HAVCR1: variants seen among roughly 807,000 people sequenced by gnomAD.
The protein encoded by HAVCR1 is hepatitis A virus cellular receptor 1.
A neutral mutation model predicts 32.0 loss-of-function variants in HAVCR1; 34 were observed. The ratio of observed to expected loss-of-function variants is 1.06; its 90% confidence interval spans 0.81 to 1.42. The LOEUF (loss-of-function observed/expected upper bound fraction) is 1.42, where lower values mean the gene tolerates loss of function less well. Ranked by LOEUF, HAVCR1 falls within the 40% of genes most tolerant of loss-of-function variation. HAVCR1 has a pLI of 0.00. For synonymous variants in HAVCR1, 178 were observed against 170.3 expected, an observed-to-expected ratio of 1.05 and a Z score of -0.35; for missense variants, 420 against 442.3, an observed-to-expected ratio of 0.95 and a Z score of 0.45.
intron 3 of HAVCR1, among the ~76,000 whole-genome samples, chr5:157,054,679 A>C (rs1308715320): frequency 2.0e-5 from 3 of 152,214 alleles, no homozygotes; most frequent in Non-Finnish European, 2.9e-5. Flanking sequence ...TGTAGATATA[A>C]CCAAGACTTT....
upstream of HAVCR1, among the ~76,000 whole-genome samples, chr5:157,060,196 C>T (rs950605403): frequency 1.3e-5 from 2 of 151,742 alleles, no homozygotes; most frequent in African/African-American, 2.4e-5. Flanking sequence ...CCACTTATAA[C>T]CCTCTCATAA....
chr5:157,059,517 A>C (rs1210287423), upstream of HAVCR1, among the ~76,000 whole-genome samples: 1 of 152,098 alleles, frequency 6.6e-6, no homozygotes, highest in East Asian at 1.9e-4. Flanking sequence ...TCTACTAAAA[A>C]TACAAAAATT....
chr5:157,039,588 A>T (rs142145323), intron 6 of HAVCR1, among the ~76,000 whole-genome samples: 4,151 of 152,242 alleles, frequency 0.027, 184 homozygotes, highest in African/African-American at 0.087. Flanking sequence ...ACCTCAGGTG[A>T]TCCACCTGCC....
Position 157,044,635 on chromosome 5 carries a change from A to AAGAAAG in HAVCR1, c.782-1959_782-1954dup, listed in dbSNP as rs769108979. On this transcript the variant is annotated intron_variant, in intron 5 of 8. Coordinates refer to ENST00000523175, the MANE Select transcript of HAVCR1 (RefSeq NM_001173393.3). ...AGAAAGAGAAAGAAAGAAAGAAAGA[A>AAGAAAG]AGAAAGAAAGAAAGAAAGAAAGAAA... Among the ~76,000 whole-genome samples the AAGAAAG allele has an allele frequency of 1.1e-3, 69 of 64,776 alleles. No homozygotes were observed. In the East Asian group the frequency reaches 0.015, roughly 14 times the overall value. 42.5% of individuals were successfully genotyped at this position (64,776 alleles called of 152,430 possible).
the HAVCR1 span, among the ~76,000 whole-genome samples, chr5:157,066,852 T>C: frequency 6.6e-6 from 1 of 152,176 alleles, no homozygotes; most frequent in Non-Finnish European, 1.5e-5. Flanking sequence ...TTTGGGAGGC[T>C]GAGGCAGGCG....
Position 157,058,302 on chromosome 5 carries a change from A to G in HAVCR1, c.-12-347T>C, listed in dbSNP as rs566942060. The G allele has an allele frequency of 4.5e-4, 85 of 190,032 alleles. 1 individual carries two copies. The highest frequency in any genetic ancestry group is 4.3e-3 in the Middle Eastern group (2 of 464). The allele number at this position is 190,032 out of a possible 1,614,324, so 11.8% of individuals were successfully genotyped here. A position where few individuals can be genotyped will look rare whatever the true frequency, so the allele number is the denominator to read the frequency against. On this transcript the variant is annotated intron_variant, in intron 1 of 8. Transcript: ENST00000523175. ...AACAGGGCCGGGCGCGGTGGCTCAA[A>G]CCTGTAATCCTAGCACTTTGGGAGG... is the stretch of plus-strand genomic sequence containing the variant.
In HAVCR1 at chr5:157,032,845, C is replaced by T. The variant is rs34670839; in HGVS notation, c.986+9G>A. 0.24 allele frequency: 365,016 copies of T among 1,492,182 alleles called. 47,674 individuals carry two copies. Among genetic ancestry groups the T allele is most frequent in the Admixed American group, 0.37 (21,202 of 56,886 alleles). The allele number at this position is 1,492,182 out of a possible 1,614,324, so 92.4% of individuals were successfully genotyped here. A position where few individuals can be genotyped will look rare whatever the true frequency, so the allele number is the denominator to read the frequency against. ...TCAAAAGTATTGATAGAAATATTTTCGAGCTTACCTTAGTTGTTGAACCTC... is the reference window on the plus strand; with the variant it reads ...TCAAAAGTATTGATAGAAATATTTTTGAGCTTACCTTAGTTGTTGAACCTC... On this transcript the variant is annotated intron_variant, in intron 8 of 8. Transcript: ENST00000523175.
chr5:157,056,720 A>AT (rs1207192840), intron 2 of HAVCR1, among the ~76,000 whole-genome samples: 5 of 151,958 alleles, frequency 3.3e-5, no homozygotes, highest in Admixed American at 6.6e-5. Context: ...TACTAGTATC[A>AT]TTTTTTTGGA....
rs114803443 is a variant in HAVCR1 at position 157,057,470 on chromosome 5, G to A, written c.46+428C>T. 2.9e-3 allele frequency among the ~76,000 whole-genome samples: 431 copies of A among 146,388 alleles called. 4 individuals are homozygous for A. The highest frequency in any genetic ancestry group is 0.01 in the African/African-American group (401 of 39,228). On this transcript the variant is annotated intron_variant, in intron 2 of 8. Coordinates refer to ENST00000523175, the MANE Select transcript of HAVCR1 (RefSeq NM_001173393.3). ...AAGAAAGAAAGAAAGAAAGAGAATTGAATGTGGCTGAAAAAAATCGGAAGG... is the reference window on the plus strand; with the variant it reads ...AAGAAAGAAAGAAAGAAAGAGAATTAAATGTGGCTGAAAAAAATCGGAAGG...
At chr5:157,030,785 GC>G (rs1366256261) in intron 8 of HAVCR1, among the ~76,000 whole-genome samples, 1 of 152,134 alleles carries the variant, frequency 6.6e-6, no homozygotes, top group Non-Finnish European at 1.5e-5. Context: ...ACCAAAGCCT[GC>G]CCCCAAAATA....
rs59740130 is a variant in HAVCR1 at position 157,044,473 on chromosome 5, AAGG to A, written c.782-1794_782-1792del. Reference sequence around the variant, plus strand: ...AAAGAAAGAAAGAAAGAAAGAAAGGAAGGAAGGAAGGAAGGAAGGAAGGAAGGA... The same window carrying A: ...AAAGAAAGAAAGAAAGAAAGAAAGGAAAGGAAGGAAGGAAGGAAGGAAGGA... On this transcript the variant is annotated intron_variant, in intron 5 of 8. Transcript: ENST00000523175. 4.0e-3 allele frequency among the ~76,000 whole-genome samples: 182 copies of A among 45,850 alleles called. 7 individuals are homozygous for A. The highest frequency in any genetic ancestry group is 4.5e-3 in the African/African-American group (54 of 12,000). 30.1% of individuals were successfully genotyped at this position (45,850 alleles called of 152,430 possible). A position where few individuals can be genotyped will look rare whatever the true frequency, so the allele number is the denominator to read the frequency against.
chr5:157,039,102 G>A (rs1368218352), intron 6 of HAVCR1, among the ~76,000 whole-genome samples: 1 of 152,158 alleles, frequency 6.6e-6, no homozygotes, highest in Non-Finnish European at 1.5e-5. Flanking sequence ...CCTGAGCAAT[G>A]GAGTGAGACT....
In HAVCR1 at chr5:157,044,408, G is replaced by A. The variant is rs1331642127; in HGVS notation, c.782-1726C>T. Among the ~76,000 whole-genome samples, 288 of 40,780 alleles carry A rather than the reference G, an allele frequency of 7.1e-3. 3 individuals are homozygous for A. The highest frequency in any genetic ancestry group is 0.027 in the East Asian group (17 of 634). The allele number at this position is 40,780 out of a possible 152,430, so 26.8% of individuals were successfully genotyped here. ...AGGAAGGAAGGAAGGAAGGAAGGAA[G>A]GAAGGAAGGAAGGAGAAAGAAAGAA... On this transcript the variant is annotated intron_variant, in intron 5 of 8. Transcript: ENST00000523175.
chr5:157,037,482 A>G (rs1027415239), intron 6 of HAVCR1, 121 bp from the exon 7 acceptor site: 5 of 616,918 alleles, frequency 8.1e-6, no homozygotes, highest in African/African-American at 3.7e-5. Flanking sequence ...CTTCTGGAAC[A>G]TAAGGGTAAG....
Position 157,055,477 on chromosome 5 carries a change from G to A in HAVCR1, c.103C>T (p.Pro35Ser), listed in dbSNP as rs1235087840. 27 of 1,607,464 alleles carry A rather than the reference G, an allele frequency of 1.7e-5. No individual in the cohort carries two copies. Among genetic ancestry groups the A allele is most frequent in the Non-Finnish European group, 2.2e-5 (26 of 1,175,248 alleles). ...GTGACAGCTCCACTGTAGTGGCAGG[G>A]TAGTGTGACAGATGGACCTGCCTCT... ...GGEAGPSVTL[P>S]CHYSGAVTSM... is the part of the protein sequence containing the mutation. Residue 35 changes from proline (P) to serine (S), a missense_variant, in exon 3 of 9, where the codon CCC (proline) becomes TCC (serine). Physicochemically the swap from Pro to Ser is moderately conservative, Grantham distance 74 (BLOSUM62 -1). Transcript: ENST00000523175.
upstream of HAVCR1, among the ~76,000 whole-genome samples, chr5:157,063,704 C>A (rs140885271): frequency 8.6e-3 from 1,314 of 152,260 alleles, 17 homozygotes; most frequent in African/African-American, 0.029. Context: ...AAAGGATACA[C>A]AAGAGCAGGG....
intron 2 of HAVCR1, among the ~76,000 whole-genome samples, chr5:157,056,177 A>T (rs1012895722): frequency 1.3e-5 from 2 of 151,236 alleles, no homozygotes; most frequent in African/African-American, 4.9e-5. Flanking sequence ...TGATCCACCC[A>T]CCTGAGCATC....
At chr5:157,060,825 G>A (rs576351684), upstream of HAVCR1, among the ~76,000 whole-genome samples, 85 of 152,190 alleles carry the variant, frequency 5.6e-4, no homozygotes, top group South Asian at 1.5e-3. Flanking sequence ...TGTGAGTGTC[G>A]TGCACTACAG....
intron 1 of HAVCR1, among the ~76,000 whole-genome samples, chr5:157,058,685 G>A (rs1443042684): frequency 6.6e-6 from 1 of 152,248 alleles, no homozygotes; most frequent in African/African-American, 2.4e-5. Flanking sequence ...TTGCTTTTCA[G>A]AGTAAACTGG....
Sources: allele counts gnomAD v4.1 joint callset (sites outside exome capture counted in the v4.1 genomes callset), GRCh38; gene constraint gnomAD v4.1.1; transcripts MANE v1.5; gene names NCBI Gene and HGNC (gene_info 2026-07-23, HGNC 2026-07-21).